UBE2D3: variants seen among roughly 807,000 people sequenced by gnomAD.
UBE2D3 encodes ubiquitin conjugating enzyme E2 D3.
A neutral mutation model predicts 22.8 loss-of-function variants in UBE2D3; 2 were observed. The ratio of observed to expected loss-of-function variants is 0.09; its 90% CI spans 0.04 to 0.28. The LOEUF is 0.28. Among genes scored for constraint, UBE2D3 ranks in the 10% least tolerant of loss-of-function variants. The probability of loss-of-function intolerance (pLI) is 1.00; values close to 1 mark genes in which losing one functional copy is unlikely to be tolerated. For missense variants in UBE2D3, 27 were observed against 182.5 expected, an observed-to-expected ratio of 0.15 and a Z score of 4.91; for synonymous variants, 56 against 60.4, an observed-to-expected ratio of 0.93 and a Z score of 0.34.
chr4:102,829,608 T>C (rs902683462), upstream of UBE2D3, among the ~76,000 whole-genome samples: 3 of 152,208 alleles, frequency 2.0e-5, no homozygotes, highest in African/African-American at 7.2e-5. Context: ...ATGTCAGTTA[T>C]TAAAGTAACC....
chr4:102,848,148 A>G (rs1399998025), intron 1 of UBE2D3, among the ~76,000 whole-genome samples: 1 of 152,142 alleles, frequency 6.6e-6, no homozygotes, highest in Admixed American at 6.5e-5. Flanking sequence ...TATAATTACT[A>G]TGGTTATCAT....
At chr4:102,834,276 T>TC (rs1157060442) in intron 1 of UBE2D3, among the ~76,000 whole-genome samples, 1 of 152,200 alleles carries the variant, frequency 6.6e-6, no homozygotes, top group Admixed American at 6.5e-5. Context: ...TGTTAAGTTT[T>TC]CATAAGGGTT....
At chr4:102,822,326 T>C (rs1191809260) in intron 2 of UBE2D3, among the ~76,000 whole-genome samples, 1 of 152,182 alleles carries the variant, frequency 6.6e-6, no homozygotes, top group African/African-American at 2.4e-5. Context: ...TCAACAAGCT[T>C]TGAGGACCAT....
At chr4:102,798,553 A>G (rs748051347) in intron 7 of UBE2D3, among the ~76,000 whole-genome samples, 1 of 151,700 alleles carries the variant, frequency 6.6e-6, no homozygotes. Context: ...GCTTAGGCTT[A>G]AAAGTGTTTT....
rs183603620 is a variant in UBE2D3, at chr4:102,834,765, T to G, written c.-128-8129A>C. Among the ~76,000 whole-genome samples the G allele has an allele frequency of 1.0e-3, 153 of 151,306 alleles. 2 individuals carry two copies. In the East Asian group the frequency reaches 0.024, roughly 24 times the overall value. ...CCCTGTCTGGAAAAAAAAAAAAGAT[T>G]CAACTTTTTTTTTTTTTGTCTTTTG... On this transcript the variant is annotated intron_variant, in intron 1 of 7. Coordinates refer to the UBE2D3 transcript ENST00000338145.
At chr4:102,820,107 C>A (rs1313753325) in intron 2 of UBE2D3, among the ~76,000 whole-genome samples, 1 of 152,148 alleles carries the variant, frequency 6.6e-6, no homozygotes, top group Non-Finnish European at 1.5e-5. Context: ...ACTTTACAAC[C>A]AACCTAGAAA....
chr4:102,825,439 G>A, intron 2 of UBE2D3: 1 of 1,132,496 alleles, frequency 8.8e-7, no homozygotes. Context: ...TGCACAACGC[G>A]ATATAAAAGT....
intron 1 of UBE2D3, among the ~76,000 whole-genome samples, chr4:102,863,789 C>T (rs1036726374): frequency 5.3e-5 from 8 of 152,144 alleles, no homozygotes; most frequent in African/African-American, 1.9e-4. Context: ...TCACCGTGCC[C>T]AGCTGGGATC....
Position 102,808,502 on chromosome 4 carries a change from A to G in UBE2D3, c.120+1170T>C, listed in dbSNP as rs1405914721. Among the ~76,000 whole-genome samples, 3 of 152,102 alleles carry G rather than the reference A, an allele frequency of 2.0e-5. No homozygotes were observed. In the East Asian group the frequency reaches 5.8e-4, roughly 29 times the overall value. ...TCAAAGTATTAAACTTAATATTTGC[A>G]CCCCTGCCATGTCTTACTTTGATTT... On this transcript the variant is annotated intron_variant, in intron 4 of 7. Transcript: ENST00000453744.
chr4:102,820,124 A>G (rs899085476), intron 2 of UBE2D3, among the ~76,000 whole-genome samples: 2 of 152,240 alleles, frequency 1.3e-5, no homozygotes, highest in South Asian at 2.1e-4. Flanking sequence ...GAAAAATACA[A>G]AGGTGCGAAC....
chr4:102,817,581 T>C (rs950307309), intron 2 of UBE2D3, among the ~76,000 whole-genome samples: 1 of 152,188 alleles, frequency 6.6e-6, no homozygotes, highest in Non-Finnish European at 1.5e-5. Flanking sequence ...AGGGTGTCCT[T>C]GCAAAGATAA....
intron 2 of UBE2D3, among the ~76,000 whole-genome samples, chr4:102,824,513 C>G (rs1730148625): frequency 6.6e-6 from 1 of 152,224 alleles, no homozygotes; most frequent in African/African-American, 2.4e-5. Flanking sequence ...CATATTACAA[C>G]AGATACCCTT....
rs540963743 is a variant in UBE2D3, at chr4:102,847,190, G to A, written c.-128-20554C>T. Among the ~76,000 whole-genome samples, 19 of 152,296 alleles carry A rather than the reference G, an allele frequency of 1.2e-4. 1 individual carries two copies. In the South Asian group the frequency reaches 3.9e-3, roughly 32 times the overall value. On this transcript the variant is annotated intron_variant, in intron 1 of 7. Coordinates refer to the UBE2D3 transcript ENST00000338145. ...AAGGGGAAGAATTAAGCATGTAATTGATACTACAAATCTACCATATCTGCC... is the reference window on the plus strand; with the variant it reads ...AAGGGGAAGAATTAAGCATGTAATTAATACTACAAATCTACCATATCTGCC...
chr4:102,848,022 G>A (rs996561775), intron 1 of UBE2D3, among the ~76,000 whole-genome samples: 6 of 152,038 alleles, frequency 3.9e-5, no homozygotes, highest in African/African-American at 1.2e-4. Flanking sequence ...CAAGGTCATC[G>A]CCAAGGTCTG....
In UBE2D3 at chr4:102,833,910, C is replaced by T. The variant is rs1045751017; in HGVS notation, c.-128-7274G>A. On this transcript the variant is annotated intron_variant, in intron 1 of 7. Transcript: ENST00000338145. ...TGATAACAGGAGGACCGACCTACCCCTCTGCCCGCCAGAATTCCCGTGGCT... is the reference window on the plus strand; with the variant it reads ...TGATAACAGGAGGACCGACCTACCCTTCTGCCCGCCAGAATTCCCGTGGCT... 5.9e-5 allele frequency among the ~76,000 whole-genome samples: 9 copies of T among 152,182 alleles called. No individual in the cohort carries two copies. In the South Asian group the frequency reaches 6.2e-4, roughly 11 times the overall value.
At chr4:102,868,817 AAGAGG>A in exon 1 of UBE2D3, 2 of 1,604,068 alleles carry the variant, frequency 1.2e-6, no homozygotes, top group African/African-American at 2.7e-5. Context: ...TTAAAGGCCC[AAGAGG>A]AGGGCCACCT....
chr4:102,852,945 C>T (rs1461768517), intron 1 of UBE2D3, among the ~76,000 whole-genome samples: 37 of 152,028 alleles, frequency 2.4e-4, no homozygotes. Flanking sequence ...GATGTTTCAC[C>T]TCACTTGTGA....
intron 1 of UBE2D3, among the ~76,000 whole-genome samples, chr4:102,858,119 T>C (rs1732716264): frequency 3.3e-5 from 5 of 152,064 alleles, no homozygotes. Flanking sequence ...CTATAGGATC[T>C]TGCACTAATA....
chr4:102,814,163 A>C (rs1728459326), intron 2 of UBE2D3, among the ~76,000 whole-genome samples: 1 of 152,248 alleles, frequency 6.6e-6, no homozygotes, highest in Admixed American at 6.5e-5. Context: ...ATCGCAGTTC[A>C]ACAATCTGTA....
Sources: gnomAD v4.1 joint callset for allele counts (sites outside exome capture counted in the v4.1 genomes callset) on GRCh38, gnomAD v4.1.1 for gene constraint, MANE v1.5 for transcripts, NCBI Gene and HGNC (gene_info 2026-07-23, HGNC 2026-07-21) for gene names.